Variants in PHTF2 observed in about 807,000 individuals in gnomAD.
PHTF2 encodes the protein putative homeodomain transcription factor 2.
PHTF2 carries 60 observed loss-of-function variants against 101.2 expected under a neutral mutation model. The ratio of observed to expected loss-of-function variants is 0.59; its 90% confidence interval spans 0.48 to 0.73. PHTF2 has a LOEUF of 0.73. Ranked by LOEUF, PHTF2 falls within the 30% of genes least tolerant of loss-of-function variation. PHTF2 has a pLI of 0.00. For synonymous variants in PHTF2, 311 were observed against 307.3 expected (o/e 1.01, Z -0.13); for missense variants, 747 against 908.7 (o/e 0.82, Z 2.29).
chr7:77,870,018 T>C (rs1267311694), intron 3 of PHTF2, among the ~76,000 whole-genome samples: 1 of 152,156 alleles, frequency 6.6e-6, no homozygotes, highest in African/African-American at 2.4e-5. Flanking sequence ...TTTGTAAATA[T>C]TTTCTCCCAT....
chr7:77,812,576 A>G (rs1022969608), intron 1 of PHTF2, among the ~76,000 whole-genome samples: 3 of 151,806 alleles, frequency 2.0e-5, no homozygotes, highest in African/African-American at 7.3e-5. Context: ...TAATGTGTAC[A>G]TAATCTTCTT....
intron 1 of PHTF2, among the ~76,000 whole-genome samples, chr7:77,831,790 A>G (rs1795096265): frequency 6.6e-6 from 1 of 151,992 alleles, no homozygotes; most frequent in African/African-American, 2.4e-5. Flanking sequence ...GAGTCTACGC[A>G]CTGTGTCATC....
intron 7 of PHTF2, among the ~76,000 whole-genome samples, chr7:77,902,522 C>G (rs985902710): frequency 6.6e-6 from 1 of 152,150 alleles, no homozygotes; most frequent in Admixed American, 6.5e-5. Context: ...GATCCCAGAA[C>G]CACACACTTA....
At chr7:77,851,599 ATTTTT>A (rs199811713) in intron 2 of PHTF2, among the ~76,000 whole-genome samples, 1 of 128,242 alleles carries the variant, frequency 7.8e-6, no homozygotes, top group Admixed American at 7.8e-5. Flanking sequence ...TTCTGCTCTG[ATTTTT>A]TTTTTTTTTT....
chr7:77,954,897 A>T, exon 20 of PHTF2: 1 of 1,416,886 alleles, frequency 7.1e-7, no homozygotes, highest in Non-Finnish European at 9.8e-7. Flanking sequence ...AGAAAAGAAG[A>T]TGTAGCCTCT....
chr7:77,840,838 A>G (rs527333123), intron 2 of PHTF2, among the ~76,000 whole-genome samples: 1 of 152,244 alleles, frequency 6.6e-6, no homozygotes, highest in Non-Finnish European at 1.5e-5. Flanking sequence ...TTCTTTATAA[A>G]GTCCAAAAGA....
chr7:77,860,563 A>G (rs758793238), intron 3 of PHTF2, among the ~76,000 whole-genome samples: 8 of 152,216 alleles, frequency 5.3e-5, no homozygotes, highest in East Asian at 1.9e-4. Flanking sequence ...TGATGATTAA[A>G]TGACACAACA....
At chr7:77,857,784 A>G (rs1482739518) in intron 3 of PHTF2, among the ~76,000 whole-genome samples, 1 of 152,210 alleles carries the variant, frequency 6.6e-6, no homozygotes, top group Non-Finnish European at 1.5e-5. Context: ...ATTTCTCTGA[A>G]TTCCACTTTG....
At chr7:77,836,119 C>CAAAAAAAAAAAA (rs1210225270) in intron 1 of PHTF2, among the ~76,000 whole-genome samples, 1 of 64,486 alleles carries the variant, frequency 1.6e-5, no homozygotes, top group African/African-American at 5.5e-5. Context: ...AACTCCATCT[C>CAAAAAAAAAAAA]AAAAAAAAAA....
intron 2 of PHTF2, among the ~76,000 whole-genome samples, chr7:77,844,383 C>T (rs2150591043): frequency 6.6e-6 from 1 of 152,280 alleles, no homozygotes. Context: ...AAAACCATCA[C>T]TTGATTTGTA....
intron 15 of PHTF2, among the ~76,000 whole-genome samples, chr7:77,942,223 G>C (rs1805691265): frequency 6.6e-6 from 1 of 152,170 alleles, no homozygotes; most frequent in Middle Eastern, 3.2e-3. Flanking sequence ...TCCCTGCCAA[G>C]TATCTCAAAG....
At chr7:77,815,261 T>G (rs1041540451) in intron 1 of PHTF2, among the ~76,000 whole-genome samples, 1 of 152,128 alleles carries the variant, frequency 6.6e-6, no homozygotes, top group African/African-American at 2.4e-5. Context: ...TTTCTCTGCT[T>G]TGTGCATATC....
intron 1 of PHTF2, among the ~76,000 whole-genome samples, chr7:77,822,974 G>T (rs1447643780): frequency 5.4e-5 from 8 of 148,706 alleles, no homozygotes; most frequent in Admixed American, 2.0e-4. Flanking sequence ...GCGCGATCTC[G>T]GCTCACCGCA....
At chr7:77,940,645 C>T (rs770937740) in exon 15 of PHTF2, 2 of 1,602,900 alleles carry the variant, frequency 1.2e-6, no homozygotes, top group South Asian at 1.1e-5. Context: ...GCTATCTCTC[C>T]GTTCCTATCT....
exon 10 of PHTF2, chr7:77,920,362 A>C (rs1263254560): frequency 3.7e-6 from 6 of 1,611,276 alleles, no homozygotes; most frequent in Non-Finnish European, 5.1e-6. Flanking sequence ...AAGACTGTTA[A>C]AAGCGGTGAA....
At chr7:77,944,642 CAT>C (rs1805898150) in intron 16 of PHTF2, among the ~76,000 whole-genome samples, 1 of 152,098 alleles carries the variant, frequency 6.6e-6, no homozygotes, top group Non-Finnish European at 1.5e-5. Context: ...GGTATCAAAA[CAT>C]AGGAAGAAAC....
intron 3 of PHTF2, among the ~76,000 whole-genome samples, chr7:77,856,942 TA>T (rs1188419362): frequency 6.6e-6 from 1 of 152,120 alleles, no homozygotes; most frequent in Admixed American, 6.5e-5. Flanking sequence ...ATAATAATAG[TA>T]ATTATCTTAT....
intron 1 of PHTF2, among the ~76,000 whole-genome samples, chr7:77,811,550 C>T (rs1001566688): frequency 3.3e-5 from 5 of 152,142 alleles, no homozygotes; most frequent in African/African-American, 1.2e-4. Context: ...TATTTATTAG[C>T]TGACTTCTGT....
rs1806744788 is a variant in PHTF2, at chr7:77,953,703, A to G, written c.2212-66A>G. 9.2e-6 allele frequency: 13 copies of G among 1,413,730 alleles called. No homozygotes were observed. The East Asian group carries it at 2.3e-4, about 25-fold the overall frequency. 87.6% of individuals were successfully genotyped at this position (1,413,730 alleles called of 1,614,324 possible). On this transcript the variant is annotated intron_variant, in intron 18 of 19. Coordinates refer to ENST00000416283, the Ensembl canonical transcript of PHTF2. Reference sequence around the variant, plus strand: ...AAGTGTTTTTTAATTCTCATTGTATATTGTTCTGAATTAGCTTAGTAATTC... The same window carrying G: ...AAGTGTTTTTTAATTCTCATTGTATGTTGTTCTGAATTAGCTTAGTAATTC...
Sources: gnomAD v4.1 joint callset for allele counts (sites outside exome capture counted in the v4.1 genomes callset) on GRCh38, gnomAD v4.1.1 for gene constraint, MANE v1.5 for transcripts, NCBI Gene and HGNC (gene_info 2026-07-23, HGNC 2026-07-21) for gene names.